The following GATB variants were observed in gnomAD, a reference collection of about 807,000 sequenced individuals.
GATB encodes glutamyl-tRNA amidotransferase subunit B, also known as glutamyl-tRNA(Gln) amidotransferase subunit B, mitochondrial.
In GATB, 39 loss-of-function variants were observed where a neutral mutation model predicts 62.3. The ratio of observed to expected loss-of-function variants is 0.63; its 90% CI spans 0.48 to 0.82. GATB has a LOEUF of 0.82. Ranked by LOEUF, GATB falls within the 40% of genes least tolerant of loss-of-function variation. The pLI, the probability that GATB is intolerant of heterozygous loss-of-function variation, is 0.00. For missense variants in GATB, 670 were observed against 684.0 expected, an observed-to-expected ratio of 0.98 and a Z score of 0.23; for synonymous variants, 276 against 258.9, an observed-to-expected ratio of 1.07 and a Z score of -0.63.
rs1429559 is a variant in GATB at position 151,760,800 on chromosome 4, A to G, written c.176+7T>C. The G allele has an allele frequency of 0.39, 612,846 of 1,589,520 alleles. 121,572 individuals carry two copies. The highest frequency in any genetic ancestry group is 0.58 in the South Asian group (50,454 of 87,050). ...TTAGGTGGGCAGAAATGTATGAAACAGAATACCCTTTCCTCGTCTTCTGGG... is the reference window on the plus strand; with the variant it reads ...TTAGGTGGGCAGAAATGTATGAAACGGAATACCCTTTCCTCGTCTTCTGGG... On this transcript the variant is annotated splice_region_variant and intron_variant, in intron 1 of 12. Coordinates refer to ENST00000263985, the MANE Select transcript of GATB (RefSeq NM_004564.3).
chr4:151,673,383 T>C (rs2126951418), intron 11 of GATB: 1 of 154,982 alleles, frequency 6.5e-6, no homozygotes, highest in African/African-American at 2.4e-5. Flanking sequence ...TGGTGAAGGA[T>C]GGGGCCACAC....
intron 2 of GATB, chr4:151,721,363 A>G (rs1226316478): frequency 1.3e-5 from 2 of 152,264 alleles, no homozygotes; most frequent in Non-Finnish European, 2.9e-5. Context: ...TTCTATTTGG[A>G]GTTCTTCATT....
rs1739120932 is a variant in GATB, at chr4:151,725,519, G to T, written c.328-5981C>A. Among the ~76,000 whole-genome samples the T allele has an allele frequency of 4.6e-5, 7 of 152,202 alleles. No homozygotes were observed. In the South Asian group the frequency reaches 1.5e-3, roughly 32 times the overall value. On this transcript the variant is annotated intron_variant, in intron 2 of 12. Coordinates refer to ENST00000263985, the MANE Select transcript of GATB (RefSeq NM_004564.3). ...ATCAACTTAAAACTGAACATTTTGTGGACACCCTTTTCACATGCGTGGAGC... is the reference window on the plus strand; with the variant it reads ...ATCAACTTAAAACTGAACATTTTGTTGACACCCTTTTCACATGCGTGGAGC...
chr4:151,719,466 A>C lies in GATB; in HGVS notation c.400T>G (p.Ser134Ala), dbSNP rs771216092. 1 of 1,611,900 alleles carries C rather than the reference A, an allele frequency of 6.2e-7. No individual in the cohort carries two copies. The highest frequency in any genetic ancestry group is 8.5e-7 in the Non-Finnish European group (1 of 1,179,092). Residue 134 changes from serine (S) to alanine (A), a missense_variant, in exon 3 of 13, where the codon TCC (serine) becomes GCC (alanine). Physicochemically the swap from Ser to Ala is moderately conservative, Grantham distance 99 (BLOSUM62 1). Transcript: ENST00000263985. ...LALNCHINKK[S>A]LFDRKHYFYA... ...AAGTAGTGCTTCCTGTCAAACAAGG[A>C]CTTCTTGTTTATGTGGCAGTTCAGA...
intron 2 of GATB, among the ~76,000 whole-genome samples, chr4:151,732,849 T>C (rs183047628): frequency 2.1e-3 from 311 of 150,964 alleles, no homozygotes; most frequent in African/African-American, 7.1e-3. Context: ...TTAAAAACTA[T>C]GTAGAAATAA....
intron 9 of GATB, among the ~76,000 whole-genome samples, chr4:151,694,001 C>T (rs967169698): frequency 5.7e-4 from 87 of 152,256 alleles, no homozygotes; most frequent in African/African-American, 1.8e-3. Flanking sequence ...ACTATCTGCA[C>T]GAATGGGACA....
chr4:151,742,819 G>A (rs12331037), intron 2 of GATB, among the ~76,000 whole-genome samples: 88,954 of 151,990 alleles, frequency 0.59, 28,401 homozygotes, highest in African/African-American at 0.86. Flanking sequence ...ATACACCAGA[G>A]AATCATCTAC....
At chr4:151,715,892 G>A in intron 5 of GATB, 117 bp downstream of exon 5, 2 of 1,202,332 alleles carry the variant, frequency 1.7e-6, no homozygotes, top group South Asian at 2.2e-5. Context: ...AAAGGCTGGG[G>A]AAAAAATGGC....
intron 12 of GATB, among the ~76,000 whole-genome samples, chr4:151,671,640 G>T (rs1047620918): frequency 2.0e-5 from 3 of 152,162 alleles, no homozygotes; most frequent in Non-Finnish European, 4.4e-5. Flanking sequence ...ATCTCTCTGA[G>T]ATGATGAATC....
intron 2 of GATB, among the ~76,000 whole-genome samples, chr4:151,731,259 C>T (rs549150108): frequency 4.9e-4 from 75 of 152,288 alleles, no homozygotes; most frequent in South Asian, 6.2e-4. Flanking sequence ...CCATTGCGGG[C>T]GCGCGCCGCC....
At chr4:151,735,589 G>A (rs1417332543) in intron 2 of GATB, among the ~76,000 whole-genome samples, 2 of 151,414 alleles carry the variant, frequency 1.3e-5, no homozygotes, top group East Asian at 1.9e-4. Context: ...TCCTACTACT[G>A]GGTATCTACC....
At chr4:151,731,900 A>C (rs9998197) in intron 2 of GATB, among the ~76,000 whole-genome samples, 8,828 of 134,206 alleles carry the variant, frequency 0.066, 798 homozygotes, top group South Asian at 0.27. Flanking sequence ...CAGCCGCCCC[A>C]TCCGGGAGGG....
intron 9 of GATB, among the ~76,000 whole-genome samples, chr4:151,694,383 C>G (rs567650697): frequency 1.5e-4 from 23 of 152,294 alleles, no homozygotes; most frequent in African/African-American, 5.3e-4. Context: ...CCCAGAGCAT[C>G]TTCCCCTCTG....
chr4:151,687,738 C>T (rs55682890), intron 10 of GATB, among the ~76,000 whole-genome samples: 3,153 of 152,148 alleles, frequency 0.021, 90 homozygotes, highest in African/African-American at 0.071. Flanking sequence ...GCCTTCTCTC[C>T]CTCCCCCCTT....
intron 9 of GATB, among the ~76,000 whole-genome samples, chr4:151,693,435 G>C (rs1344410314): frequency 6.6e-6 from 1 of 152,210 alleles, no homozygotes; most frequent in East Asian, 1.9e-4. Context: ...CTCATTGAGA[G>C]AGGCCTCGTC....
At chr4:151,746,449 C>A (rs1390585743) in intron 2 of GATB, among the ~76,000 whole-genome samples, 1 of 152,176 alleles carries the variant, frequency 6.6e-6, no homozygotes, top group East Asian at 1.9e-4. Context: ...TTTAAGCAAA[C>A]AACCTAAGAT....
intron 11 of GATB, among the ~76,000 whole-genome samples, chr4:151,679,174 G>C (rs1398608386): frequency 6.6e-6 from 1 of 152,196 alleles, no homozygotes; most frequent in Non-Finnish European, 1.5e-5. Context: ...GATTACAGGC[G>C]TGAGCCACTG....
intron 9 of GATB, 24 bp from the exon 10 acceptor site, chr4:151,688,787 T>C (rs954072085): frequency 6.4e-7 from 1 of 1,563,924 alleles, no homozygotes. Context: ...AAAAAGAAAA[T>C]TACATAAAGC....
At chr4:151,705,676 C>T (rs1738701352) in intron 6 of GATB, among the ~76,000 whole-genome samples, 2 of 152,170 alleles carry the variant, frequency 1.3e-5, no homozygotes, top group South Asian at 4.1e-4. Context: ...GGGTTGTGTG[C>T]ATATGTGCAG....
Sources: gnomAD v4.1 joint callset for allele counts (sites outside exome capture counted in the v4.1 genomes callset) on GRCh38, gnomAD v4.1.1 for gene constraint, MANE v1.5 for transcripts, NCBI Gene and HGNC (gene_info 2026-07-23, HGNC 2026-07-21) for gene names.